Variants in RNF14 observed in about 807,000 individuals in gnomAD.
The protein encoded by RNF14 is ring finger protein 14.
RNF14 carries 26 observed loss-of-function variants against 52.6 expected under a neutral mutation model. The ratio of observed to expected loss-of-function variants is 0.49; its 90% CI spans 0.36 to 0.69. The LOEUF is 0.69. RNF14 is among the 30% of genes least tolerant of loss of function. The pLI is 0.00. For synonymous variants in RNF14, 194 were observed against 202.0 expected (o/e 0.96, Z 0.34); for missense variants, 404 against 560.4 (o/e 0.72, Z 2.82).
chr5:141,983,265 T>G, intron 6 of RNF14, 115 bp from the exon 7 acceptor site: 3 of 833,134 alleles, frequency 3.6e-6, no homozygotes, highest in Non-Finnish European at 5.5e-6. Flanking sequence ...TATTTCCTTA[T>G]GATAAAGTTC....
chr5:141,976,796 T>G lies in RNF14; in HGVS notation c.307-1507T>G, dbSNP rs200030793. ...TCTCTCTTTTTTTTTTTTTTTTTTTTTTTTTTTTTTGAGATGGAGTCTTGC... is the reference window on the plus strand; with the variant it reads ...TCTCTCTTTTTTTTTTTTTTTTTTTGTTTTTTTTTTGAGATGGAGTCTTGC... On this transcript the variant is annotated intron_variant, in intron 4 of 8. Coordinates refer to ENST00000394520, the MANE Select transcript of RNF14 (RefSeq NM_004290.5). 2.8e-3 allele frequency among the ~76,000 whole-genome samples: 137 copies of G among 48,102 alleles called. 4 individuals are homozygous for G. In the East Asian group the frequency reaches 0.091, roughly 32 times the overall value. 31.6% of individuals were successfully genotyped at this position (48,102 alleles called of 152,430 possible).
upstream of RNF14, among the ~76,000 whole-genome samples, chr5:141,966,560 G>T (rs150560979): frequency 6.6e-6 from 1 of 152,212 alleles, no homozygotes; most frequent in Non-Finnish European, 1.5e-5. Context: ...CTAGGCACAC[G>T]GGGAGACTGC....
chr5:141,987,409 A>G (rs1755334647), intron 8 of RNF14, among the ~76,000 whole-genome samples: 1 of 152,160 alleles, frequency 6.6e-6, no homozygotes, highest in Admixed American at 6.5e-5. Flanking sequence ...TGGTGTGGCT[A>G]ACCTGCCTCG....
At chr5:141,961,981 C>T (rs1384243045), upstream of RNF14, among the ~76,000 whole-genome samples, 3 of 152,212 alleles carry the variant, frequency 2.0e-5, no homozygotes, top group Admixed American at 1.3e-4. Context: ...AGCATCACCA[C>T]CAAGACAGCT....
chr5:141,983,184 C>T (rs1754931575), intron 6 of RNF14, among the ~76,000 whole-genome samples, 196 bp from the exon 7 acceptor site: 1 of 152,084 alleles, frequency 6.6e-6, no homozygotes, highest in South Asian at 2.1e-4. Flanking sequence ...CTCTTCCAAA[C>T]ATAATTATTT....
At chr5:141,957,177 T>C, upstream of RNF14, 1 of 1,614,236 alleles carries the variant, frequency 6.2e-7, no homozygotes, top group Non-Finnish European at 8.5e-7. The surrounding 1 kb of genome is among the most constrained non-coding windows in gnomAD (Gnocchi z 4.3). Context: ...AGCTGGTACC[T>C]GACTTGGGGG....
chr5:141,984,961 C>T, intron 8 of RNF14, 28 bp downstream of exon 8: 1 of 1,589,134 alleles, frequency 6.3e-7, no homozygotes, highest in Non-Finnish European at 8.6e-7. Flanking sequence ...TCCTCAGGCT[C>T]ACCAGCAATT....
Position 141,978,510 on chromosome 5 carries a change from G to A in RNF14, c.514G>A (p.Ala172Thr). ...CAACACAGAGCTAGATTTTGGAGGA[G>A]CTGCTGGATCTGATGTAGACCAAGA... The part of the protein sequence containing the change: ...SPNTELDFGG[A>T]AGSDVDQEEI... Residue 172 changes from alanine to threonine, a missense_variant, in exon 5 of 9, where the codon GCT (alanine) becomes ACT (threonine). Ala to Thr is a moderately conservative substitution (Grantham distance 58, BLOSUM62 0). Transcript: ENST00000394520. 3.7e-6 allele frequency: 6 copies of A among 1,614,208 alleles called. No homozygotes were observed. Among genetic ancestry groups the A allele is most frequent in the Non-Finnish European group, 5.1e-6 (6 of 1,180,040 alleles).
At chr5:141,958,664 G>A (rs1210310776) in intron 1 of RNF14, 1 of 152,286 alleles carries the variant, frequency 6.6e-6, no homozygotes, top group Non-Finnish European at 1.5e-5. Flanking sequence ...GCAGCCATCA[G>A]AGGTAAACTG....
intron 4 of RNF14, 40 bp downstream of exon 4, chr5:141,974,995 A>G: frequency 6.3e-7 from 1 of 1,591,972 alleles, no homozygotes; most frequent in Middle Eastern, 1.7e-4. Flanking sequence ...CATTTTTAGA[A>G]ACTTAAAAAT....
chr5:141,972,865 A>G (rs945909301), intron 2 of RNF14, among the ~76,000 whole-genome samples: 5 of 152,176 alleles, frequency 3.3e-5, no homozygotes, highest in Non-Finnish European at 7.3e-5. Flanking sequence ...TGTTGGGATT[A>G]CAGGCACGAG....
At chr5:141,974,587 A>G (rs1212248449) in intron 3 of RNF14, among the ~76,000 whole-genome samples, 1 of 152,224 alleles carries the variant, frequency 6.6e-6, no homozygotes, top group Non-Finnish European at 1.5e-5. Flanking sequence ...TAGTATTTTC[A>G]TTATACATTT....
At chr5:141,974,683 T>G (rs1754087153) in intron 3 of RNF14, 121 bp from the exon 4 acceptor site, 1 of 913,720 alleles carries the variant, frequency 1.1e-6, no homozygotes, top group Middle Eastern at 3.3e-4. Context: ...TAGAAAGTGC[T>G]TTGGGGGAGG....
intron 4 of RNF14, among the ~76,000 whole-genome samples, chr5:141,976,343 C>G (rs1754252196): frequency 6.6e-6 from 1 of 152,198 alleles, no homozygotes; most frequent in African/African-American, 2.4e-5. Context: ...ACGCACAAAA[C>G]AGGGACAGAT....
At chr5:141,957,119 C>A, upstream of RNF14, 3 of 1,614,148 alleles carry the variant, frequency 1.9e-6, no homozygotes, top group Non-Finnish European at 2.5e-6. This position sits in a 1 kb window ranked among gnomAD's most constrained non-coding sequence, Gnocchi z 4.3. Flanking sequence ...GAACTCTCAG[C>A]AAACGCAGGG....
chr5:141,979,636 A>G (rs1754588303), intron 5 of RNF14, among the ~76,000 whole-genome samples: 1 of 152,098 alleles, frequency 6.6e-6, no homozygotes, highest in African/African-American at 2.4e-5. Context: ...GGTAGCTTAC[A>G]CCTATAATCC....
chr5:141,985,335 A>G (rs1339927918), intron 8 of RNF14, among the ~76,000 whole-genome samples: 1 of 152,226 alleles, frequency 6.6e-6, no homozygotes, highest in Non-Finnish European at 1.5e-5. Context: ...ATGCTTCTAC[A>G]TAATGACAGT....
chr5:141,978,494 G>A lies in RNF14; in HGVS notation c.498G>A (p.Glu166=). ...CAGCTCAAGCTTCTCCCAACACAGA[G>A]CTAGATTTTGGAGGAGCTGCTGGAT... is the stretch of plus-strand genomic sequence containing the variant. ...RRTAQASPNT[E]LDFGGAAGSD... is the part of the protein sequence containing the mutation. Residue 166 remains glutamate, a synonymous_variant, in exon 5 of 9, where the codon GAG becomes GAA. Coordinates refer to ENST00000394520, the MANE Select transcript of RNF14 (RefSeq NM_004290.5). 6.2e-7 allele frequency: 1 copy of A among 1,614,184 alleles called. No individual in the cohort carries two copies. Among genetic ancestry groups the A allele is most frequent in the South Asian group, 1.1e-5 (1 of 91,082 alleles).
chr5:141,963,499 G>A (rs764629636), upstream of RNF14, among the ~76,000 whole-genome samples: 43 of 151,918 alleles, frequency 2.8e-4, no homozygotes, highest in Non-Finnish European at 4.6e-4. Flanking sequence ...ATTCAGAAGC[G>A]AACTCTGTTG....
Sources: allele counts gnomAD v4.1 joint callset (sites outside exome capture counted in the v4.1 genomes callset), GRCh38; gene constraint gnomAD v4.1.1; non-coding constraint Gnocchi (gnomAD v3.1); transcripts MANE v1.5; gene names NCBI Gene and HGNC (gene_info 2026-07-23, HGNC 2026-07-21).